The following P4HA2 variants were observed in gnomAD, a reference collection of about 807,000 sequenced individuals.
P4HA2 encodes prolyl 4-hydroxylase subunit alpha 2.
In P4HA2, 46 loss-of-function variants were observed where a neutral mutation model predicts 76.9. That is an observed-to-expected ratio of 0.60 (90% confidence interval 0.47 to 0.76). The LOEUF (loss-of-function observed/expected upper bound fraction) is 0.76, where lower values mean the gene tolerates loss of function less well. Ranked by LOEUF, P4HA2 falls within the 30% of genes least tolerant of loss-of-function variation. The pLI, the probability that P4HA2 is intolerant of heterozygous loss-of-function variation, is 0.00. For synonymous variants in P4HA2, 243 were observed against 254.0 expected, an observed-to-expected ratio of 0.96 and a Z score of 0.41; for missense variants, 583 against 669.4, an observed-to-expected ratio of 0.87 and a Z score of 1.42.
intron 5 of P4HA2, among the ~76,000 whole-genome samples, chr5:132,212,970 T>C (rs1164450244): frequency 6.6e-6 from 1 of 152,108 alleles, no homozygotes; most frequent in African/African-American, 2.4e-5. Context: ...ATAAGCTGGG[T>C]CTGCATGAGC....
chr5:132,204,147 T>A lies in P4HA2; in HGVS notation c.1086A>T (p.Ala362=), dbSNP rs764335970. 7.4e-6 allele frequency: 12 copies of A among 1,612,636 alleles called. No homozygotes were observed. Among genetic ancestry groups the A allele is most frequent in the Middle Eastern group, 1.6e-4 (1 of 6,078 alleles). Residue 362 remains alanine, a synonymous_variant, in exon 9 of 15, where the codon GCA becomes GCT. Transcript: ENST00000360568. ...TCTTGGGATCACGAACGGTGGCTCGTGCAAGCTAGAAGGAAGGAGGAGAGG... is the reference window on the plus strand; with the variant it reads ...TCTTGGGATCACGAACGGTGGCTCGAGCAAGCTAGAAGGAAGGAGGAGAGG... ...RIKEIAKPKL[A]RATVRDPKTG...
intron 1 of P4HA2, among the ~76,000 whole-genome samples, chr5:132,225,182 T>C (rs925109963): frequency 1.3e-5 from 2 of 152,132 alleles, no homozygotes; most frequent in Admixed American, 6.5e-5. Flanking sequence ...GAACTTCAAA[T>C]GTCCAAATTG....
At chr5:132,216,906 G>A (rs960530414) in intron 4 of P4HA2, among the ~76,000 whole-genome samples, 1 of 152,048 alleles carries the variant, frequency 6.6e-6, no homozygotes, top group African/African-American at 2.4e-5. Context: ...CTATAAACAT[G>A]TATCACTAAA....
intron 12 of P4HA2, chr5:132,198,076 G>A: frequency 1.4e-6 from 2 of 1,466,692 alleles, no homozygotes; most frequent in Non-Finnish European, 1.8e-6. Context: ...AGCCAAGAAG[G>A]GTGCTGAGAG....
chr5:132,195,051 A>C, intron 13 of P4HA2, 29 bp from the exon 14 acceptor site: 1 of 1,439,460 alleles, frequency 6.9e-7, no homozygotes, highest in Non-Finnish European at 9.8e-7. Context: ...TTCAGAACAC[A>C]TTCTTAAGAG....
chr5:132,219,761 A>G (rs1047760664), intron 1 of P4HA2, among the ~76,000 whole-genome samples: 1 of 152,204 alleles, frequency 6.6e-6, no homozygotes, highest in Non-Finnish European at 1.5e-5. Context: ...GTCTAAGATA[A>G]TGCCAGTTCA....
intron 4 of P4HA2, among the ~76,000 whole-genome samples, chr5:132,215,850 T>TAAAAAA (rs539378974): frequency 0.013 from 1,087 of 81,844 alleles, 21 homozygotes; most frequent in Admixed American, 0.023. Flanking sequence ...CCTGTCCCTT[T>TAAAAAA]AAAAAAAAAA....
intron 1 of P4HA2, among the ~76,000 whole-genome samples, chr5:132,222,741 T>G (rs920547320): frequency 6.6e-6 from 1 of 152,264 alleles, no homozygotes; most frequent in African/African-American, 2.4e-5. Flanking sequence ...TGTTTATCTG[T>G]ATCTATCCAC....
intron 10 of P4HA2, chr5:132,203,417 GCT>G (rs1462752303): frequency 1.5e-5 from 4 of 260,406 alleles, no homozygotes; most frequent in African/African-American, 2.1e-5. Context: ...GTCATTTTTA[GCT>G]CTCTTAGAGA....
At chr5:132,213,224 C>A (rs547780403) in intron 5 of P4HA2, among the ~76,000 whole-genome samples, 1 of 152,138 alleles carries the variant, frequency 6.6e-6, no homozygotes, top group Admixed American at 6.5e-5. Flanking sequence ...GAACCTTGTT[C>A]GCTGGGTTTA....
chr5:132,214,853 T>C (rs1195355606), intron 4 of P4HA2, among the ~76,000 whole-genome samples: 1 of 152,174 alleles, frequency 6.6e-6, no homozygotes, highest in Non-Finnish European at 1.5e-5. Context: ...GGGAGAGCTT[T>C]TGACCACAGA....
intron 1 of P4HA2, among the ~76,000 whole-genome samples, chr5:132,222,338 A>C (rs774175698): frequency 6.6e-6 from 1 of 152,168 alleles, no homozygotes; most frequent in African/African-American, 2.4e-5. Context: ...ATGGATGTCC[A>C]TTCAGGCCTA....
chr5:132,214,068 T>A lies in P4HA2; in HGVS notation c.332-15A>T. On this transcript the variant is annotated splice_polypyrimidine_tract_variant and intron_variant, in intron 4 of 14. Transcript: ENST00000360568. ...GGCGATAAAACCTTCCAAATGAGAG[T>A]CAGAACAAGAGATTACCCTTGATCC... The A allele has an allele frequency of 6.2e-7, 1 of 1,613,064 alleles. No homozygotes were observed. The highest frequency in any genetic ancestry group is 8.5e-7 in the Non-Finnish European group (1 of 1,179,614).
At chr5:132,215,177 G>A (rs978064238) in intron 4 of P4HA2, among the ~76,000 whole-genome samples, 2 of 152,216 alleles carry the variant, frequency 1.3e-5, no homozygotes, top group Non-Finnish European at 2.9e-5. Flanking sequence ...ACTCTAAAGA[G>A]TTTAGAATCT....
At position 132,191,511 on chromosome 5, in the gene P4HA2, CAAAAA is replaced by C. The variant is rs76741539; in HGVS notation, c.*1494_*1498del. On this transcript the variant is annotated 3_prime_UTR_variant, in exon 15 of 15. Coordinates refer to ENST00000360568, the MANE Select transcript of P4HA2 (RefSeq NM_001017974.2). ...TGGGCGACAGAGCGAGACTCCGTCT[CAAAAA>C]AAAAAAAAAAAAAAAAGATTTCAAC... Among the ~76,000 whole-genome samples, 1 of 49,122 alleles carries C rather than the reference CAAAAA, an allele frequency of 2.0e-5. No individual in the cohort carries two copies. Among genetic ancestry groups the C allele is most frequent in the African/African-American group, 6.6e-5 (1 of 15,194 alleles). 32.2% of individuals were successfully genotyped at this position (49,122 alleles called of 152,430 possible). A position where few individuals can be genotyped will look rare whatever the true frequency, so the allele number is the denominator to read the frequency against.
chr5:132,220,280 C>A (rs1423380710), intron 1 of P4HA2, among the ~76,000 whole-genome samples: 2 of 152,206 alleles, frequency 1.3e-5, no homozygotes, highest in Non-Finnish European at 2.9e-5. Flanking sequence ...GCCCCTTATA[C>A]CTAAGGGATT....
Position 132,190,807 on chromosome 5 carries a change from T to C in P4HA2, c.*2203A>G, listed in dbSNP as rs1211460104. Reference sequence around the variant, plus strand: ...AGCCACAGAAGATATTTGCAAAATATATAACAAAGAACTTGTGTACATATT... The same window carrying C: ...AGCCACAGAAGATATTTGCAAAATACATAACAAAGAACTTGTGTACATATT... On this transcript the variant is annotated 3_prime_UTR_variant, in exon 15 of 15. Transcript: ENST00000360568. Among the ~76,000 whole-genome samples, 2 of 152,138 alleles carry C rather than the reference T, an allele frequency of 1.3e-5. No homozygotes were observed. Among genetic ancestry groups the C allele is most frequent in the Non-Finnish European group, 2.9e-5 (2 of 68,022 alleles).
intron 4 of P4HA2, among the ~76,000 whole-genome samples, chr5:132,214,871 C>T (rs917734827): frequency 1.3e-5 from 2 of 152,170 alleles, no homozygotes; most frequent in Non-Finnish European, 2.9e-5. Context: ...AGAAGTACTC[C>T]AAGGAGGCTT....
intron 14 of P4HA2, among the ~76,000 whole-genome samples, chr5:132,194,540 C>T (rs1044656586): frequency 6.6e-5 from 10 of 152,188 alleles, no homozygotes; most frequent in African/African-American, 1.9e-4. Context: ...CCCCCACACC[C>T]GTATGCTGGT....
Sources: gnomAD v4.1 joint callset for allele counts (sites outside exome capture counted in the v4.1 genomes callset) on GRCh38, gnomAD v4.1.1 for gene constraint, MANE v1.5 for transcripts, NCBI Gene and HGNC (gene_info 2026-07-23, HGNC 2026-07-21) for gene names.